IGSF5: variants seen among roughly 807,000 people sequenced by gnomAD.
The protein encoded by IGSF5 is immunoglobulin superfamily 5 like.
In IGSF5, 41 loss-of-function variants were observed where a neutral mutation model predicts 39.4. That is an observed-to-expected ratio of 1.04 (90% confidence interval 0.81 to 1.35). The LOEUF (loss-of-function observed/expected upper bound fraction) is 1.35, where lower values mean the gene tolerates loss of function less well. Among genes scored for constraint, IGSF5 ranks in the 40% most tolerant of loss-of-function variants. IGSF5 has a pLI of 0.00. For synonymous variants in IGSF5, 183 were observed against 175.3 expected (o/e 1.04, Z -0.34); for missense variants, 487 against 494.6 (o/e 0.98, Z 0.15).
At chr21:39,728,532 G>A in the IGSF5 span, among the ~76,000 whole-genome samples, 1 of 152,184 alleles carries the variant, frequency 6.6e-6, no homozygotes, top group Non-Finnish European at 1.5e-5. Flanking sequence ...GAGAGAACAA[G>A]TTTCTGTTGT....
Position 39,775,535 on chromosome 21 carries a change from T to G in IGSF5, c.719-3555T>G, listed in dbSNP as rs115390934. 5.7e-3 allele frequency among the ~76,000 whole-genome samples: 861 copies of G among 152,324 alleles called. 13 individuals are homozygous for G. The highest frequency in any genetic ancestry group is 0.019 in the African/African-American group (810 of 41,572). Reference sequence around the variant, plus strand: ...CCTTTTTAAAACTCTATGCATTCCTTTGAGAGCATCTGGGAAATGCTATTT... The same window carrying G: ...CCTTTTTAAAACTCTATGCATTCCTGTGAGAGCATCTGGGAAATGCTATTT... On this transcript the variant is annotated intron_variant, in intron 4 of 8. Coordinates refer to ENST00000380588, the MANE Select transcript of IGSF5 (RefSeq NM_001080444.2).
intron 5 of IGSF5, among the ~76,000 whole-genome samples, chr21:39,783,225 T>A (rs1023631848): frequency 3.3e-5 from 5 of 152,212 alleles, no homozygotes; most frequent in African/African-American, 1.2e-4. Flanking sequence ...TTTCAATTCT[T>A]TGAGATACCC....
chr21:39,764,316 G>C (rs2080075094), intron 2 of IGSF5, among the ~76,000 whole-genome samples: 1 of 152,104 alleles, frequency 6.6e-6, no homozygotes, highest in Non-Finnish European at 1.5e-5. Flanking sequence ...GAAACCTTTA[G>C]GGCTATAATG....
At chr21:39,764,606 C>G (rs2080076849) in intron 2 of IGSF5, among the ~76,000 whole-genome samples, 1 of 152,202 alleles carries the variant, frequency 6.6e-6, no homozygotes, top group African/African-American at 2.4e-5. Context: ...TCCCAAAGTG[C>G]TGGGATTACA....
chr21:39,744,715 A>G (rs1166770283), upstream of IGSF5, among the ~76,000 whole-genome samples: 1 of 152,208 alleles, frequency 6.6e-6, no homozygotes, highest in Admixed American at 6.5e-5. Context: ...ATACTTTAAG[A>G]TTTTTGAGTT....
upstream of IGSF5, among the ~76,000 whole-genome samples, chr21:39,745,056 C>CT (rs112817124): frequency 8.0e-4 from 120 of 149,482 alleles, no homozygotes; most frequent in East Asian, 2.8e-3. Flanking sequence ...ATAGGGCACA[C>CT]TTTTTTTTTT....
the IGSF5 span, among the ~76,000 whole-genome samples, chr21:39,712,537 G>A: frequency 6.6e-6 from 1 of 152,200 alleles, no homozygotes; most frequent in Admixed American, 6.5e-5. Context: ...GGGGGCTCAG[G>A]GTTGTTCTCT....
the IGSF5 span, among the ~76,000 whole-genome samples, chr21:39,724,702 T>C: frequency 6.6e-6 from 1 of 152,244 alleles, no homozygotes; most frequent in Non-Finnish European, 1.5e-5. Flanking sequence ...ATCAGCAGCA[T>C]GAACATGGAC....
chr21:39,750,230 C>T (rs1321919868), intron 2 of IGSF5, among the ~76,000 whole-genome samples: 1 of 152,140 alleles, frequency 6.6e-6, no homozygotes. Flanking sequence ...TCCCCTGGCC[C>T]CATTTACTTG....
chr21:39,786,706 C>T (rs2086923155), intron 5 of IGSF5, among the ~76,000 whole-genome samples: 1 of 152,126 alleles, frequency 6.6e-6, no homozygotes, highest in African/African-American at 2.4e-5. Flanking sequence ...TTGGAACCAA[C>T]CCACATGTCC....
At chr21:39,734,988 C>G in the IGSF5 span, among the ~76,000 whole-genome samples, 2 of 152,080 alleles carry the variant, frequency 1.3e-5, no homozygotes, top group African/African-American at 4.8e-5. Flanking sequence ...TTCAGCCTCC[C>G]AAGTAGCTGA....
the IGSF5 span, among the ~76,000 whole-genome samples, chr21:39,735,703 G>T: frequency 2.0e-5 from 3 of 152,168 alleles, no homozygotes; most frequent in African/African-American, 7.2e-5. Flanking sequence ...AGAACTCAAA[G>T]AACACGCATA....
At chr21:39,720,650 G>A in the IGSF5 span, among the ~76,000 whole-genome samples, 1 of 152,186 alleles carries the variant, frequency 6.6e-6, no homozygotes, top group Non-Finnish European at 1.5e-5. Flanking sequence ...GTCTAATGTG[G>A]TGTCCTGGAT....
At chr21:39,713,474 G>T in the IGSF5 span, among the ~76,000 whole-genome samples, 1 of 152,116 alleles carries the variant, frequency 6.6e-6, no homozygotes, top group Non-Finnish European at 1.5e-5. Context: ...TAGACCTAAG[G>T]GTCTGTGCTG....
At chr21:39,777,525 G>A (rs888261061) in intron 4 of IGSF5, among the ~76,000 whole-genome samples, 13 of 152,204 alleles carry the variant, frequency 8.5e-5, no homozygotes, top group Admixed American at 7.2e-4. Context: ...TTCAGCTCCG[G>A]GGCTGGGAAG....
At chr21:39,766,112 G>A (rs1380389816) in intron 3 of IGSF5, among the ~76,000 whole-genome samples, 1 of 152,080 alleles carries the variant, frequency 6.6e-6, no homozygotes, top group Admixed American at 6.6e-5. Flanking sequence ...GTTGGCAATA[G>A]GCTTAGAATT....
rs1569258255 is a variant in IGSF5, at chr21:39,788,146, TA to T, written c.935-19del. 6.3e-7 allele frequency: 1 copy of T among 1,576,696 alleles called. No individual in the cohort carries two copies. Among genetic ancestry groups the T allele is most frequent in the Admixed American group, 1.7e-5 (1 of 58,492 alleles). Reference sequence around the variant, plus strand: ...AATAAGTATCCCGATTTTTCCAATGTAATTTTGTTCTTTTTTGCAGGATTTC... The same window carrying T: ...AATAAGTATCCCGATTTTTCCAATGTATTTTGTTCTTTTTTGCAGGATTTC... On this transcript the variant is annotated intron_variant, in intron 5 of 8. Transcript: ENST00000380588.
At chr21:39,775,257 G>A (rs1182244703) in intron 4 of IGSF5, among the ~76,000 whole-genome samples, 7 of 152,140 alleles carry the variant, frequency 4.6e-5, no homozygotes, top group African/African-American at 9.7e-5. Context: ...ATCACTAGCC[G>A]TGTGTCTTCT....
rs149524777 is a variant in IGSF5 at position 39,779,076 on chromosome 21, T to A, written c.719-14T>A. On this transcript the variant is annotated splice_polypyrimidine_tract_variant and intron_variant, in intron 4 of 8. Transcript: ENST00000380588. ...AGTGCAAGTATCACTAAAATATATT[T>A]TTTTCTTCTTTAGACACTGGAGGTG... 0.012 allele frequency: 19,303 copies of A among 1,610,716 alleles called. 162 individuals carry two copies. The highest frequency in any genetic ancestry group is 0.019 in the Middle Eastern group (113 of 5,876).
Sources: gnomAD v4.1 joint callset for allele counts (sites outside exome capture counted in the v4.1 genomes callset) on GRCh38, gnomAD v4.1.1 for gene constraint, MANE v1.5 for transcripts, NCBI Gene and HGNC (gene_info 2026-07-23, HGNC 2026-07-21) for gene names.